Variants in SCHIP1 observed in about 807,000 individuals in gnomAD.
SCHIP1 encodes schwannomin interacting protein 1, also known as schwannomin-interacting protein 1.
Under a neutral mutation model 29.7 loss-of-function variants are expected in SCHIP1, and 8 were observed. The observed-to-expected ratio is 0.27, with a 90% CI of 0.16 to 0.49. SCHIP1 has a LOEUF of 0.49. Among genes scored for constraint, SCHIP1 ranks in the 20% least tolerant of loss-of-function variants. The probability of loss-of-function intolerance (pLI) is 0.99; values close to 1 mark genes in which losing one functional copy is unlikely to be tolerated. For missense variants in SCHIP1, 193 were observed against 294.6 expected (o/e 0.66, Z 2.52); for synonymous variants, 76 against 94.9 (o/e 0.80, Z 1.16).
the SCHIP1 span, among the ~76,000 whole-genome samples, chr3:159,639,329 A>G: frequency 2.0e-5 from 3 of 152,184 alleles, no homozygotes; most frequent in Admixed American, 6.5e-5. Flanking sequence ...CATGTGAGGC[A>G]TAAGATAGTA....
the SCHIP1 span, among the ~76,000 whole-genome samples, chr3:159,363,932 A>G: frequency 3.3e-5 from 5 of 152,244 alleles, no homozygotes; most frequent in Non-Finnish European, 7.3e-5. Flanking sequence ...GGAAAAATAC[A>G]CAGAAACTCT....
At chr3:159,586,755 C>T in the SCHIP1 span, among the ~76,000 whole-genome samples, 1 of 152,028 alleles carries the variant, frequency 6.6e-6, no homozygotes, top group African/African-American at 2.4e-5. Context: ...CTCTGCAGAC[C>T]CCATGGCTGC....
the SCHIP1 span, among the ~76,000 whole-genome samples, chr3:159,356,252 G>A: frequency 6.6e-6 from 1 of 151,988 alleles, no homozygotes; most frequent in African/African-American, 2.4e-5. Context: ...GGGTTAAGTT[G>A]TTATCGTTCA....
At chr3:159,626,304 T>A in the SCHIP1 span, among the ~76,000 whole-genome samples, 2 of 144,076 alleles carry the variant, frequency 1.4e-5, no homozygotes, top group African/African-American at 5.1e-5. Context: ...AGATAGATTT[T>A]TTTTTACCTT....
the SCHIP1 span, among the ~76,000 whole-genome samples, chr3:159,568,329 T>C: frequency 6.6e-5 from 10 of 152,226 alleles, no homozygotes; most frequent in Admixed American, 6.5e-4. Context: ...CTCCATACAA[T>C]CTTAAAGCAG....
At chr3:159,432,476 C>T in the SCHIP1 span, among the ~76,000 whole-genome samples, 1 of 152,162 alleles carries the variant, frequency 6.6e-6, no homozygotes, top group South Asian at 2.1e-4. Flanking sequence ...GTTAGAAGTA[C>T]TTCCCTATGT....
chr3:159,590,884 C>T, the SCHIP1 span, among the ~76,000 whole-genome samples: 1 of 152,244 alleles, frequency 6.6e-6, no homozygotes, highest in Middle Eastern at 3.4e-3. Context: ...CCTGGGGAAG[C>T]TTCCTAAGTT....
At chr3:159,812,623 T>A in the SCHIP1 span, among the ~76,000 whole-genome samples, 1 of 152,248 alleles carries the variant, frequency 6.6e-6, no homozygotes, top group Non-Finnish European at 1.5e-5. Context: ...TAATCAGTAT[T>A]GTTAATTGAA....
chr3:159,456,931 A>C, the SCHIP1 span, among the ~76,000 whole-genome samples: 4 of 152,204 alleles, frequency 2.6e-5, no homozygotes, highest in African/African-American at 9.6e-5. Context: ...AGGGTTGTTA[A>C]AAACATAACA....
the SCHIP1 span, among the ~76,000 whole-genome samples, chr3:159,520,493 G>A: frequency 1.3e-5 from 2 of 152,290 alleles, no homozygotes; most frequent in East Asian, 1.9e-4. Context: ...CATTACACGC[G>A]CAGATATGAC....
chr3:159,361,601 A>G, the SCHIP1 span, among the ~76,000 whole-genome samples: 3 of 152,228 alleles, frequency 2.0e-5, no homozygotes, highest in Non-Finnish European at 4.4e-5. Context: ...TACATTAAGA[A>G]GGACCTTTCT....
chr3:159,509,787 C>A, the SCHIP1 span, among the ~76,000 whole-genome samples: 1 of 152,160 alleles, frequency 6.6e-6, no homozygotes, highest in Admixed American at 6.5e-5. Flanking sequence ...AGAATGTTGA[C>A]TATTGTTCCC....
chr3:159,859,712 A>G (rs779425858), intron 1 of SCHIP1, among the ~76,000 whole-genome samples: 3 of 152,230 alleles, frequency 2.0e-5, no homozygotes, highest in Non-Finnish European at 2.9e-5. Flanking sequence ...CATGGAACAG[A>G]TGTGTGCTCA....
At chr3:159,760,740 A>G in the SCHIP1 span, among the ~76,000 whole-genome samples, 1 of 152,234 alleles carries the variant, frequency 6.6e-6, no homozygotes, top group Non-Finnish European at 1.5e-5. Flanking sequence ...TGGGAAGTCA[A>G]TGCAGTAAGG....
the SCHIP1 span, among the ~76,000 whole-genome samples, chr3:159,388,933 C>T: frequency 5.1e-4 from 78 of 152,000 alleles, no homozygotes; most frequent in African/African-American, 1.5e-3. Flanking sequence ...TCTAAATATA[C>T]GAATTTATTA....
chr3:159,441,298 G>A, the SCHIP1 span, among the ~76,000 whole-genome samples: 1 of 152,156 alleles, frequency 6.6e-6, no homozygotes, highest in African/African-American at 2.4e-5. Context: ...GCATGGACCT[G>A]TTTAGTTATT....
chr3:159,368,613 A>G, the SCHIP1 span, among the ~76,000 whole-genome samples: 1 of 152,164 alleles, frequency 6.6e-6, no homozygotes, highest in Non-Finnish European at 1.5e-5. Context: ...AAATTTGACA[A>G]CCCTCTAAGG....
chr3:159,362,952 T>G, the SCHIP1 span, among the ~76,000 whole-genome samples: 2 of 152,178 alleles, frequency 1.3e-5, no homozygotes, highest in Non-Finnish European at 2.9e-5. Flanking sequence ...AACTGGGCCC[T>G]TATGAAGAAA....
the SCHIP1 span, among the ~76,000 whole-genome samples, chr3:159,390,385 C>G: frequency 1.3e-5 from 2 of 151,954 alleles, no homozygotes; most frequent in African/African-American, 4.8e-5. Context: ...CTGTTGAACT[C>G]TAGGTTGGGA....
Sources: allele counts gnomAD v4.1 joint callset (sites outside exome capture counted in the v4.1 genomes callset), GRCh38; gene constraint gnomAD v4.1.1; transcripts MANE v1.5; gene names NCBI Gene and HGNC (gene_info 2026-07-23, HGNC 2026-07-21).